CRADD: variants seen among roughly 807,000 people sequenced by gnomAD.
CRADD encodes CARD and death domain containing adaptor protein.
Under a neutral mutation model 15.5 loss-of-function variants are expected in CRADD, and 9 were observed. That is an observed-to-expected ratio of 0.58 (90% CI 0.35 to 1.01). The LOEUF (loss-of-function observed/expected upper bound fraction) is 1.01, where lower values mean the gene tolerates loss of function less well. CRADD is among the 50% of genes least tolerant of loss of function. The pLI is 0.02. For synonymous variants in CRADD, 118 were observed against 107.6 expected (o/e 1.10, Z -0.60); for missense variants, 227 against 250.3 (o/e 0.91, Z 0.63).
intron 2 of CRADD, among the ~76,000 whole-genome samples, chr12:93,869,461 G>T (rs1371448394): frequency 6.6e-6 from 1 of 152,110 alleles, no homozygotes; most frequent in Non-Finnish European, 1.5e-5. Context: ...GCAGGTATTG[G>T]AATTAGCATA....
chr12:93,689,866 CTT>C (rs1197762369), intron 2 of CRADD, among the ~76,000 whole-genome samples: 1 of 152,190 alleles, frequency 6.6e-6, no homozygotes, highest in Non-Finnish European at 1.5e-5. Flanking sequence ...TCTGCAGTGA[CTT>C]GTCCTGTTGC....
intron 2 of CRADD, among the ~76,000 whole-genome samples, chr12:93,804,573 A>C (rs1445827753): frequency 6.6e-6 from 1 of 152,150 alleles, no homozygotes; most frequent in African/African-American, 2.4e-5. Flanking sequence ...TGTACTCATC[A>C]GAATGAGCTG....
chr12:93,769,887 T>G (rs184585000), intron 2 of CRADD, among the ~76,000 whole-genome samples: 47 of 152,344 alleles, frequency 3.1e-4, no homozygotes, highest in Admixed American at 2.7e-3. Flanking sequence ...ATATTCTAGA[T>G]GTAAGTTCCT....
chr12:93,759,423 G>GC (rs1327832607), intron 2 of CRADD, among the ~76,000 whole-genome samples: 1 of 127,790 alleles, frequency 7.8e-6, no homozygotes, highest in Non-Finnish European at 1.8e-5. Flanking sequence ...GCTCGAGAAA[G>GC]GAAAAAAAAA....
chr12:93,733,465 T>A (rs1956506422), intron 2 of CRADD: 1 of 152,290 alleles, frequency 6.6e-6, no homozygotes, highest in African/African-American at 2.4e-5. Context: ...TTTCTCACAA[T>A]CGCCCCTCTC....
intron 2 of CRADD, among the ~76,000 whole-genome samples, chr12:93,821,009 G>A (rs1957763465): frequency 6.6e-6 from 1 of 152,226 alleles, no homozygotes; most frequent in Non-Finnish European, 1.5e-5. Context: ...TGATGCAGAG[G>A]CCAAAGACTG....
intron 2 of CRADD, among the ~76,000 whole-genome samples, chr12:93,840,787 G>A (rs1364210256): frequency 6.6e-6 from 1 of 151,804 alleles, no homozygotes; most frequent in Non-Finnish European, 1.5e-5. Flanking sequence ...GGCTGGTCTC[G>A]AACTCCCGAC....
chr12:93,695,763 G>A (rs914548394), intron 2 of CRADD, among the ~76,000 whole-genome samples: 10 of 152,132 alleles, frequency 6.6e-5, no homozygotes, highest in Non-Finnish European at 1.2e-4. Context: ...ATTAGTGGTG[G>A]CACTCGCCTG....
intron 2 of CRADD, among the ~76,000 whole-genome samples, chr12:93,694,597 A>G (rs1955655794): frequency 6.6e-6 from 1 of 152,190 alleles, no homozygotes; most frequent in African/African-American, 2.4e-5. Context: ...AAAAACTATT[A>G]GAACTAATAA....
intron 2 of CRADD, among the ~76,000 whole-genome samples, chr12:93,893,142 G>T (rs1012372941): frequency 1.3e-5 from 2 of 152,204 alleles, no homozygotes; most frequent in African/African-American, 2.4e-5. Context: ...GTGAACAGGA[G>T]AAATATTAGC....
At chr12:93,803,041 T>C (rs1001429459) in intron 2 of CRADD, among the ~76,000 whole-genome samples, 1 of 152,218 alleles carries the variant, frequency 6.6e-6, no homozygotes, top group African/African-American at 2.4e-5. Context: ...TTGTTTGAGA[T>C]TGATGACCTT....
intron 2 of CRADD, 49 bp downstream of exon 2, chr12:93,679,121 A>G (rs779010948): frequency 1.3e-5 from 18 of 1,429,370 alleles, no homozygotes; most frequent in South Asian, 2.4e-5. Context: ...TGTTGTAACT[A>G]TGCTCTTTGC....
intron 2 of CRADD, among the ~76,000 whole-genome samples, chr12:93,756,323 G>A (rs563711105): frequency 2.6e-5 from 4 of 152,270 alleles, no homozygotes; most frequent in African/African-American, 9.6e-5. Flanking sequence ...CTCACCATAA[G>A]TTCAGCGATA....
chr12:93,880,607 A>T lies in CRADD; in HGVS notation c.299-13443A>T, dbSNP rs914603197. Among the ~76,000 whole-genome samples, 3 of 152,196 alleles carry T rather than the reference A, an allele frequency of 2.0e-5. No individual in the cohort carries two copies. The East Asian group carries it at 5.8e-4, about 29-fold the overall frequency. ...GGTTTGGAAGTGCCACTTTTGAAGC[A>T]TGTGAATAGAAGAGCATCTCATCCC... On this transcript the variant is annotated intron_variant, in intron 2 of 2. Transcript: ENST00000548483.
intron 2 of CRADD, among the ~76,000 whole-genome samples, chr12:93,735,935 G>T (rs1348579343): frequency 6.6e-6 from 1 of 151,832 alleles, no homozygotes; most frequent in East Asian, 1.9e-4. Context: ...GCTCAGGCCT[G>T]TATTTCCATC....
chr12:93,721,859 A>G (rs944878393), intron 2 of CRADD, among the ~76,000 whole-genome samples: 1 of 152,186 alleles, frequency 6.6e-6, no homozygotes. Context: ...TATTATTTTG[A>G]ACAAACTTTG....
intron 2 of CRADD, among the ~76,000 whole-genome samples, chr12:93,790,446 A>C (rs1377355704): frequency 6.6e-6 from 1 of 151,914 alleles, no homozygotes; most frequent in African/African-American, 2.4e-5. Flanking sequence ...ATGTACCCTA[A>C]AACTTAAAGT....
At chr12:93,877,376 T>C (rs1485250621) in intron 2 of CRADD, among the ~76,000 whole-genome samples, 2 of 152,180 alleles carry the variant, frequency 1.3e-5, no homozygotes, top group Non-Finnish European at 2.9e-5. Flanking sequence ...TTCGATCACT[T>C]GATGCCAAAA....
chr12:93,707,192 GGA>G (rs1315442036), intron 2 of CRADD, among the ~76,000 whole-genome samples: 2 of 152,168 alleles, frequency 1.3e-5, no homozygotes, highest in Non-Finnish European at 2.9e-5. Context: ...TAAATGATTG[GGA>G]GGAAGGCACT....
Sources: gnomAD v4.1 joint callset for allele counts (sites outside exome capture counted in the v4.1 genomes callset) on GRCh38, gnomAD v4.1.1 for gene constraint, MANE v1.5 for transcripts, NCBI Gene and HGNC (gene_info 2026-07-23, HGNC 2026-07-21) for gene names.